The following RUNX1 variants were observed in gnomAD, a reference collection of about 807,000 sequenced individuals.
RUNX1 encodes RUNX family transcription factor 1.
A neutral mutation model predicts 42.8 loss-of-function variants in RUNX1; 19 were observed. That is an observed-to-expected ratio of 0.44 (90% CI 0.31 to 0.65). RUNX1 has a LOEUF of 0.65. Ranked by LOEUF, RUNX1 falls within the 30% of genes least tolerant of loss-of-function variation. RUNX1 has a pLI of 0.07. For synonymous variants in RUNX1, 271 were observed against 289.4 expected, an observed-to-expected ratio of 0.94 and a Z score of 0.64; for missense variants, 528 against 672.0, an observed-to-expected ratio of 0.79 and a Z score of 2.37.
At chr21:35,015,963 G>A (rs1039969525) in intron 2 of RUNX1, among the ~76,000 whole-genome samples, 2 of 152,180 alleles carry the variant, frequency 1.3e-5, no homozygotes, top group Admixed American at 1.3e-4. Flanking sequence ...TATCAAATGT[G>A]TATTGGGTGA....
Position 34,889,402 on chromosome 21 carries a change from G to C in RUNX1, c.98-2306C>G, listed in dbSNP as rs368894651. On this transcript the variant is annotated intron_variant, in intron 3 of 8. Coordinates refer to ENST00000675419, the MANE Select transcript of RUNX1 (RefSeq NM_001754.5). ...TGTAATGGGTGTTTTTTACCGCTGC[G>C]CCCGGGCCGCGGCTCGATCCCTCCG... is the stretch of plus-strand genomic sequence containing the variant. Among the ~76,000 whole-genome samples the C allele has an allele frequency of 1.9e-4, 29 of 152,158 alleles. No homozygotes were observed. The South Asian group carries it at 5.0e-3, about 26-fold the overall frequency.
intron 6 of RUNX1, among the ~76,000 whole-genome samples, chr21:34,851,426 A>C (rs990425994): frequency 1.3e-5 from 2 of 152,220 alleles, no homozygotes; most frequent in Admixed American, 6.5e-5. Flanking sequence ...TGCCTGGTTC[A>C]ACAGGAGAGG....
intron 2 of RUNX1, among the ~76,000 whole-genome samples, chr21:35,011,190 T>C (rs2059124161): frequency 6.6e-6 from 1 of 152,174 alleles, no homozygotes; most frequent in South Asian, 2.1e-4. Context: ...ATGGTGCACC[T>C]GCAAGCACTG....
At position 34,988,567 on chromosome 21, in the gene RUNX1, AACTCATTCTTACCCCTAGG is replaced by A. The variant is rs564882334; in HGVS notation, c.58+60256_58+60274del. Reference sequence around the variant, plus strand: ...CTGTCCTTCCCATCTCCATCTGCCAAACTCATTCTTACCCCTAGGACCTGCTGAGATGCTGCCTCTACCA... The same window carrying A: ...CTGTCCTTCCCATCTCCATCTGCCAAACCTGCTGAGATGCTGCCTCTACCA... On this transcript the variant is annotated intron_variant, in intron 2 of 8. Transcript: ENST00000675419. Among the ~76,000 whole-genome samples, 215 of 152,174 alleles carry A rather than the reference AACTCATTCTTACCCCTAGG, an allele frequency of 1.4e-3. 1 individual carries two copies. Among genetic ancestry groups the A allele is most frequent in the Non-Finnish European group, 2.2e-3 (148 of 67,984 alleles).
chr21:34,849,455 A>ATT (rs1236688674), intron 6 of RUNX1, among the ~76,000 whole-genome samples: 1 of 74,978 alleles, frequency 1.3e-5, no homozygotes, highest in African/African-American at 5.0e-5. Context: ...TATATATTAT[A>ATT]ATATATAGTA....
At position 34,792,943 on chromosome 21, in the gene RUNX1, T is replaced by A. The variant is rs2056469934; in HGVS notation, c.968-333A>T. Among the ~76,000 whole-genome samples the A allele has an allele frequency of 7.4e-6, 1 of 134,888 alleles. No individual in the cohort carries two copies. Among genetic ancestry groups the A allele is most frequent in the African/African-American group, 2.9e-5 (1 of 34,694 alleles). 88.5% of individuals were successfully genotyped at this position (134,888 alleles called of 152,430 possible). ...GTCGGGGACCACTCAGGATGCCACC[T>A]CCTGAGAGGACGGAGACCACCCAGG... On this transcript the variant is annotated intron_variant, in intron 8 of 8. Coordinates refer to ENST00000675419, the MANE Select transcript of RUNX1 (RefSeq NM_001754.5). The surrounding 1 kb of genome is among the most constrained non-coding windows in gnomAD (Gnocchi z 6.9).
At chr21:34,993,634 G>GAC (rs764751438) in intron 2 of RUNX1, among the ~76,000 whole-genome samples, 1 of 42,008 alleles carries the variant, frequency 2.4e-5, no homozygotes, top group Admixed American at 2.9e-4. Flanking sequence ...CACACACACA[G>GAC]ACACACACAG....
At chr21:34,892,872 C>T (rs1816675552) in intron 3 of RUNX1, 53 bp downstream of exon 3, 1 of 1,008,492 alleles carries the variant, frequency 9.9e-7, no homozygotes, top group Middle Eastern at 2.4e-4. Context: ...ATCATATACA[C>T]ATCTATGAAG....
At chr21:34,995,365 GAA>G (rs559220073) in intron 2 of RUNX1, among the ~76,000 whole-genome samples, 51 of 136,726 alleles carry the variant, frequency 3.7e-4, no homozygotes, top group Non-Finnish European at 6.0e-4. Context: ...TTTCCTAACT[GAA>G]AAAAAAAAGT....
Position 34,930,270 on chromosome 21 carries a change from G to GTGTATATATATA in RUNX1, c.59-37308_59-37307insTATATATATACA, listed in dbSNP as rs372412304. 1.6e-3 allele frequency among the ~76,000 whole-genome samples: 197 copies of GTGTATATATATA among 122,784 alleles called. 1 individual carries two copies. Among genetic ancestry groups the GTGTATATATATA allele is most frequent in the Middle Eastern group, 4.1e-3 (1 of 242 alleles). 80.6% of individuals were successfully genotyped at this position (122,784 alleles called of 152,430 possible). ...ATGTATATTATACGTGTGTGTGTAT[G>GTGTATATATATA]TATATATATATATATATATATAAAT... is the stretch of plus-strand genomic sequence containing the variant. On this transcript the variant is annotated intron_variant, in intron 2 of 8. Coordinates refer to ENST00000675419, the MANE Select transcript of RUNX1 (RefSeq NM_001754.5).
intron 2 of RUNX1, among the ~76,000 whole-genome samples, chr21:35,040,617 C>T (rs1277413322): frequency 1.3e-5 from 2 of 151,630 alleles, no homozygotes; most frequent in Non-Finnish European, 2.9e-5. Context: ...ACTAAAAATA[C>T]AAAAATTAGC....
At chr21:35,000,069 G>A (rs1444520795) in intron 2 of RUNX1, among the ~76,000 whole-genome samples, 1 of 152,100 alleles carries the variant, frequency 6.6e-6, no homozygotes, top group Non-Finnish European at 1.5e-5. Context: ...GATGTCCAAA[G>A]TTAGAACTAT....
intron 2 of RUNX1, among the ~76,000 whole-genome samples, chr21:34,985,169 T>C (rs534935426): frequency 6.6e-6 from 1 of 152,210 alleles, no homozygotes; most frequent in Non-Finnish European, 1.5e-5. Flanking sequence ...TAGCACTCCA[T>C]TGAAAGGTAC....
intron 2 of RUNX1, among the ~76,000 whole-genome samples, chr21:34,996,051 G>C (rs2058992840): frequency 1.3e-5 from 2 of 152,226 alleles, no homozygotes; most frequent in African/African-American, 4.8e-5. Flanking sequence ...TCTAATACCT[G>C]AACATTTACC....
chr21:35,012,066 G>T (rs9976900), intron 2 of RUNX1, among the ~76,000 whole-genome samples: 49,751 of 151,922 alleles, frequency 0.33, 9,226 homozygotes, highest in Non-Finnish European at 0.43. Context: ...TGAATTAGGG[G>T]GATTTTTTAA....
intron 7 of RUNX1, among the ~76,000 whole-genome samples, chr21:34,826,714 G>A (rs1185319609): frequency 6.6e-6 from 1 of 151,906 alleles, no homozygotes; most frequent in Non-Finnish European, 1.5e-5. Flanking sequence ...CAAAGTGGTG[G>A]GATTACAGGC....
chr21:34,841,944 GCA>G (rs2057242548), intron 6 of RUNX1, among the ~76,000 whole-genome samples: 1 of 152,052 alleles, frequency 6.6e-6, no homozygotes, highest in Non-Finnish European at 1.5e-5. Context: ...TATTTTTTCT[GCA>G]CAGCCATGTC....
intron 2 of RUNX1, among the ~76,000 whole-genome samples, chr21:34,933,907 C>T (rs1179343776): frequency 6.6e-6 from 1 of 152,178 alleles, no homozygotes; most frequent in Non-Finnish European, 1.5e-5. Context: ...GTCAGCTGTA[C>T]CTATGTGCTA....
chr21:34,954,729 C>A (rs1028426297), intron 2 of RUNX1, among the ~76,000 whole-genome samples: 1 of 152,116 alleles, frequency 6.6e-6, no homozygotes, highest in African/African-American at 2.4e-5. Context: ...ATTACAGATG[C>A]CATAGCTACA....
Sources: allele counts gnomAD v4.1 joint callset (sites outside exome capture counted in the v4.1 genomes callset), GRCh38; gene constraint gnomAD v4.1.1; non-coding constraint Gnocchi (gnomAD v3.1); transcripts MANE v1.5; gene names NCBI Gene and HGNC (gene_info 2026-07-23, HGNC 2026-07-21).